The following IQCK variants were observed in gnomAD, a reference collection of about 807,000 sequenced individuals.
IQCK encodes IQ motif containing K, also known as IQ domain-containing protein K.
Under a neutral mutation model 28.1 loss-of-function variants are expected in IQCK, and 29 were observed. The ratio of observed to expected loss-of-function variants is 1.03; its 90% CI spans 0.77 to 1.41. The LOEUF is 1.41. Ranked by LOEUF, IQCK falls within the 40% of genes most tolerant of loss-of-function variation. IQCK has a pLI of 0.00. For synonymous variants in IQCK, 113 were observed against 115.1 expected (o/e 0.98, Z 0.12); for missense variants, 359 against 314.7 (o/e 1.14, Z -1.07).
At chr16:19,786,556 A>G (rs9932521) in intron 6 of IQCK, among the ~76,000 whole-genome samples, 27,595 of 119,940 alleles carry the variant, frequency 0.23, 5,703 homozygotes, top group African/African-American at 0.66. Flanking sequence ...AAAATTGGCC[A>G]GGCATTGTGG....
chr16:19,735,388 C>A (rs1287056620), exon 4 of IQCK: 8 of 1,613,964 alleles, frequency 5.0e-6, no homozygotes, highest in Non-Finnish European at 6.8e-6. Context: ...TTTCATCTTT[C>A]CTGTTCTGCT....
At chr16:19,826,935 C>T (rs2141091098) in intron 7 of IQCK, 91 bp from the exon 8 acceptor site, 2 of 806,680 alleles carry the variant, frequency 2.5e-6, no homozygotes, top group Admixed American at 3.8e-5. Flanking sequence ...GTACATCCAA[C>T]TGGTTTGTAA....
At position 19,725,993 on chromosome 16, in the gene IQCK, G is replaced by A. The variant is rs112824828; in HGVS notation, c.182-4437G>A. On this transcript the variant is annotated intron_variant, in intron 1 of 7. Coordinates refer to ENST00000564186, the Ensembl canonical transcript of IQCK. Reference sequence around the variant, plus strand: ...TGCAGCGGCTCGATCTCTGCTCACCGCAAGCTCCACCTCCCGAGTTCACAC... The same window carrying A: ...TGCAGCGGCTCGATCTCTGCTCACCACAAGCTCCACCTCCCGAGTTCACAC... Among the ~76,000 whole-genome samples, 370 of 149,424 alleles carry A rather than the reference G, an allele frequency of 2.5e-3. 1 individual carries two copies. The highest frequency in any genetic ancestry group is 3.8e-3 in the Non-Finnish European group (256 of 67,656).
rs116077224 is a variant in IQCK, at chr16:19,851,339, G to A, written c.803-5148G>A. On this transcript the variant is annotated intron_variant, in intron 9 of 9. Transcript: ENST00000320394. ...GAGATTCTGTTTCTAAAGGTCTGGG[G>A]TGGGGCCCAGGAATCTATATTTTCA... Among the ~76,000 whole-genome samples the A allele has an allele frequency of 3.5e-3, 534 of 152,274 alleles. 6 individuals are homozygous for A. The highest frequency in any genetic ancestry group is 0.012 in the African/African-American group (491 of 41,558).
At chr16:19,746,244 G>C (rs2054911296) in intron 4 of IQCK, among the ~76,000 whole-genome samples, 1 of 148,330 alleles carries the variant, frequency 6.7e-6, no homozygotes, top group South Asian at 2.1e-4. Context: ...TATATTTATT[G>C]GGTGCATGAG....
At chr16:19,733,571 T>C (rs1977909769) in intron 2 of IQCK, 127 bp from the exon 3 acceptor site, 1 of 1,024,734 alleles carries the variant, frequency 9.8e-7, no homozygotes, top group African/African-American at 1.6e-5. Context: ...CAAAGATCTG[T>C]GCTCAGCGTA....
intron 1 of IQCK, among the ~76,000 whole-genome samples, chr16:19,726,517 G>A (rs568910854): frequency 1.0e-3 from 153 of 152,126 alleles, no homozygotes; most frequent in African/African-American, 3.5e-3. Flanking sequence ...ATATAAAGAT[G>A]TTCATTGAAA....
At chr16:19,772,583 A>AGGGAGGGAAGCTTCCATTCACTGACAT (rs1472191708) in intron 6 of IQCK, among the ~76,000 whole-genome samples, 1 of 151,872 alleles carries the variant, frequency 6.6e-6, no homozygotes, top group Non-Finnish European at 1.5e-5. Context: ...GGGGTGAGGG[A>AGGGAGGGAAGCTTCCATTCACTGACAT]GGGAGGGAAG....
intron 9 of IQCK, among the ~76,000 whole-genome samples, chr16:19,838,894 C>G (rs1331178670): frequency 6.6e-6 from 1 of 151,510 alleles, no homozygotes; most frequent in Admixed American, 6.6e-5. Context: ...TGGCAGGTGC[C>G]TGTAATCCCA....
exon 10 of IQCK, chr16:19,856,618 GCTCT>G: frequency 8.1e-7 from 1 of 1,233,310 alleles, no homozygotes. Context: ...TCCAAATGAT[GCTCT>G]CTCTCTTGTG....
intron 7 of IQCK, among the ~76,000 whole-genome samples, chr16:19,816,958 C>T (rs2055996507): frequency 6.6e-6 from 1 of 152,140 alleles, no homozygotes; most frequent in Admixed American, 6.5e-5. Context: ...TTTAAGGAAC[C>T]TGCCCAAGGC....
At chr16:19,733,289 C>T (rs1043632149) in intron 2 of IQCK, among the ~76,000 whole-genome samples, 1 of 152,062 alleles carries the variant, frequency 6.6e-6, no homozygotes, top group Non-Finnish European at 1.5e-5. Flanking sequence ...AGGCGCCCGC[C>T]ACCACGCCTG....
chr16:19,804,211 G>T (rs2055802935), intron 7 of IQCK, among the ~76,000 whole-genome samples: 1 of 151,856 alleles, frequency 6.6e-6, no homozygotes, highest in African/African-American at 2.4e-5. Flanking sequence ...AAAATTAGCT[G>T]GGCATGGTAG....
In IQCK at chr16:19,735,225, A is replaced by G. The variant is rs57852997; in HGVS notation, c.377-128A>G. 1.3e-3 allele frequency: 851 copies of G among 673,292 alleles called. 6 individuals are homozygous for G. The African/African-American group carries it at 0.013, about 10-fold the overall frequency. The allele number at this position is 673,292 out of a possible 1,614,324, so 41.7% of individuals were successfully genotyped here. Reference sequence around the variant, plus strand: ...CAGCCCAGCTCTGTAGTCTGGAGCAAAATATAACATCTAAGATCATGTGAT... The same window carrying G: ...CAGCCCAGCTCTGTAGTCTGGAGCAGAATATAACATCTAAGATCATGTGAT... On this transcript the variant is annotated intron_variant, in intron 3 of 7. Transcript: ENST00000564186.
intron 9 of IQCK, among the ~76,000 whole-genome samples, chr16:19,841,441 GAA>G (rs1567200147): frequency 1.3e-5 from 2 of 152,154 alleles, no homozygotes; most frequent in African/African-American, 4.8e-5. Flanking sequence ...AATAATAGTA[GAA>G]AGAGTCCTAG....
intron 1 of IQCK, among the ~76,000 whole-genome samples, chr16:19,724,360 T>A (rs1283363131): frequency 3.3e-5 from 5 of 152,108 alleles, no homozygotes; most frequent in Non-Finnish European, 7.4e-5. Context: ...CTCTGGAACA[T>A]AAGCTCCTCT....
intron 9 of IQCK, among the ~76,000 whole-genome samples, chr16:19,853,773 G>T (rs1439550954): frequency 6.6e-6 from 1 of 152,152 alleles, no homozygotes; most frequent in African/African-American, 2.4e-5. Flanking sequence ...GGATTAACAG[G>T]CGCCTGCCAC....
intron 4 of IQCK, among the ~76,000 whole-genome samples, chr16:19,763,389 A>T (rs1487680865): frequency 6.6e-6 from 1 of 152,112 alleles, no homozygotes; most frequent in Non-Finnish European, 1.5e-5. Context: ...CTGCTGTCTC[A>T]GAGGTGGCAG....
At chr16:19,750,117 AG>A (rs2054965834) in intron 4 of IQCK, among the ~76,000 whole-genome samples, 2 of 152,058 alleles carry the variant, frequency 1.3e-5, no homozygotes, top group African/African-American at 4.8e-5. Flanking sequence ...GCTTCAGATA[AG>A]GGAGTTTATG....
Sources: gnomAD v4.1 joint callset for allele counts (sites outside exome capture counted in the v4.1 genomes callset) on GRCh38, gnomAD v4.1.1 for gene constraint, MANE v1.5 for transcripts, NCBI Gene and HGNC (gene_info 2026-07-23, HGNC 2026-07-21) for gene names.